Variants in DYNC2I1 observed in about 807,000 individuals in gnomAD.
The protein encoded by DYNC2I1 is dynein 2 intermediate chain 1.
In DYNC2I1, 89 loss-of-function variants were observed where a neutral mutation model predicts 133.4. That is an observed-to-expected ratio of 0.67 (90% CI 0.56 to 0.80). The LOEUF is 0.80. DYNC2I1 is among the 30% of genes least tolerant of loss of function. DYNC2I1 has a pLI of 0.00. For missense variants in DYNC2I1, 1,291 were observed against 1,314.5 expected (o/e 0.98, Z 0.28); for synonymous variants, 504 against 484.3 (o/e 1.04, Z -0.54).
intron 15 of DYNC2I1, among the ~76,000 whole-genome samples, chr7:158,921,724 C>T (rs1015064943): frequency 1.3e-5 from 2 of 152,080 alleles, no homozygotes; most frequent in African/African-American, 2.4e-5. Context: ...TGGGGTTGGC[C>T]GGGTGCTGCT....
the DYNC2I1 span, among the ~76,000 whole-genome samples, chr7:158,841,215 A>T: frequency 0.016 from 984 of 59,694 alleles, 43 homozygotes; most frequent in African/African-American, 0.029. Context: ...ATATATATAT[A>T]TATATATTTT....
rs181970837 is a variant in DYNC2I1 at position 158,914,968 on chromosome 7, G to C, written c.1791+647G>C. 6.6e-5 allele frequency among the ~76,000 whole-genome samples: 10 copies of C among 152,372 alleles called. No homozygotes were observed. In the East Asian group the frequency reaches 1.7e-3, roughly 26 times the overall value. On this transcript the variant is annotated intron_variant, in intron 14 of 24. Transcript: ENST00000407559. ...TGAAGTTGGCATTCACATTTCGCCAGCTGTCTCATCACTTTCTTGTATGTA... is the reference window on the plus strand; with the variant it reads ...TGAAGTTGGCATTCACATTTCGCCACCTGTCTCATCACTTTCTTGTATGTA...
At chr7:158,954,186 T>C (rs941447686) in intron 4 of DYNC2I1, among the ~76,000 whole-genome samples, 1 of 152,192 alleles carries the variant, frequency 6.6e-6, no homozygotes, top group African/African-American at 2.4e-5. Context: ...GCCATGATTG[T>C]GAGGCCTCCC....
intron 24 of DYNC2I1, among the ~76,000 whole-genome samples, chr7:158,942,420 G>T (rs1015653713): frequency 6.6e-5 from 10 of 152,282 alleles, no homozygotes; most frequent in African/African-American, 2.4e-4. Flanking sequence ...TCACGGGCCT[G>T]TTCCCACACC....
chr7:158,950,396 CTCTATATGATTCCAGGTGT>C (rs1327956136), downstream of DYNC2I1, among the ~76,000 whole-genome samples: 3 of 152,046 alleles, frequency 2.0e-5, no homozygotes, highest in East Asian at 1.9e-4. Context: ...CAGGACCAGC[CTCTATATGATTCCAGGTGT>C]TCTATATGAT....
intron 8 of DYNC2I1, among the ~76,000 whole-genome samples, chr7:158,897,288 C>A (rs139417800): frequency 6.6e-6 from 1 of 152,080 alleles, no homozygotes; most frequent in Admixed American, 6.6e-5. Context: ...TGTGAGCTAC[C>A]GTGCCCAGGT....
At chr7:158,881,535 C>A (rs1189043919) in intron 5 of DYNC2I1, among the ~76,000 whole-genome samples, 1 of 152,044 alleles carries the variant, frequency 6.6e-6, no homozygotes, top group Non-Finnish European at 1.5e-5. Flanking sequence ...CTCACTGCAA[C>A]CTTGGCCTCC....
At chr7:158,936,967 G>A (rs1479821627) in intron 23 of DYNC2I1, among the ~76,000 whole-genome samples, 2 of 152,170 alleles carry the variant, frequency 1.3e-5, no homozygotes, top group East Asian at 3.8e-4. Context: ...AACTAATCCT[G>A]CAATGCAAAG....
chr7:158,879,038 C>T (rs1843721138), intron 4 of DYNC2I1, among the ~76,000 whole-genome samples: 1 of 151,390 alleles, frequency 6.6e-6, no homozygotes, highest in African/African-American at 2.4e-5. Context: ...GTGGAGAGGC[C>T]AGGAGGGCCG....
At position 158,922,527 on chromosome 7, in the gene DYNC2I1, A is replaced by G; in HGVS notation, c.2072A>G (p.Lys691Arg). The change falls in exon 16 of 25, where the codon AAA becomes AGA. Residue 691 changes from lysine to arginine, a missense_variant. Lys to Arg is a conservative substitution (Grantham distance 26). Coordinates refer to ENST00000407559, the MANE Select transcript of DYNC2I1 (RefSeq NM_018051.5). ...WDIWQPSGPQ[K>R]VLICESQVTC... is the part of the protein sequence containing the mutation. Reference sequence around the variant, plus strand: ...ATTTGGCAGCCTTCAGGGCCACAGAAAGTTCTGATATGTGAGTCCCAGGTA... The same window carrying G: ...ATTTGGCAGCCTTCAGGGCCACAGAGAGTTCTGATATGTGAGTCCCAGGTA... 1 of 1,613,832 alleles carries G rather than the reference A, an allele frequency of 6.2e-7. No individual in the cohort carries two copies. The highest frequency in any genetic ancestry group is 1.7e-5 in the Admixed American group (1 of 59,982).
chr7:158,868,098 G>A (rs915459632), intron 1 of DYNC2I1, among the ~76,000 whole-genome samples: 6 of 152,150 alleles, frequency 3.9e-5, no homozygotes, highest in Admixed American at 2.0e-4. Context: ...ACAAAAAGAC[G>A]ATGATGAAGA....
At chr7:158,863,679 G>A (rs1227468164) in intron 1 of DYNC2I1, among the ~76,000 whole-genome samples, 2 of 91,838 alleles carry the variant, frequency 2.2e-5, no homozygotes, top group Non-Finnish European at 4.3e-5. Context: ...TGGGGAGAGC[G>A]GGACGTCCTT....
chr7:158,895,514 G>T (rs1342599089), intron 8 of DYNC2I1, among the ~76,000 whole-genome samples: 1 of 152,054 alleles, frequency 6.6e-6, no homozygotes, highest in Non-Finnish European at 1.5e-5. Flanking sequence ...CACTCTTTTC[G>T]CCAGTACACA....
upstream of DYNC2I1, among the ~76,000 whole-genome samples, chr7:158,853,409 C>G (rs1316630438): frequency 6.6e-6 from 1 of 152,046 alleles, no homozygotes; most frequent in Non-Finnish European, 1.5e-5. Flanking sequence ...CATTTACAGT[C>G]GATTCTCTCT....
In DYNC2I1 at chr7:158,862,912, C is replaced by T. The variant is rs1388807522; in HGVS notation, c.15+6162C>T. On this transcript the variant is annotated intron_variant, in intron 1 of 24. Coordinates refer to ENST00000407559, the MANE Select transcript of DYNC2I1 (RefSeq NM_018051.5). Reference sequence around the variant, plus strand: ...TGAGCGTTACAGCTCTTAAAGATGGCGCATCTGGAGTTGTTTGTTCCTCCC... The same window carrying T: ...TGAGCGTTACAGCTCTTAAAGATGGTGCATCTGGAGTTGTTTGTTCCTCCC... Among the ~76,000 whole-genome samples the T allele has an allele frequency of 2.6e-5, 4 of 151,912 alleles. No homozygotes were observed. The South Asian group carries it at 6.2e-4, about 24-fold the overall frequency.
At chr7:158,894,077 A>C (rs1001544876) in intron 8 of DYNC2I1, among the ~76,000 whole-genome samples, 5 of 49,104 alleles carry the variant, frequency 1.0e-4, no homozygotes, top group East Asian at 5.9e-4. Flanking sequence ...ATATCATACC[A>C]CATATTATAC....
At chr7:158,870,426 C>T (rs1219322881) in intron 2 of DYNC2I1, among the ~76,000 whole-genome samples, 1 of 152,006 alleles carries the variant, frequency 6.6e-6, no homozygotes, top group African/African-American at 2.4e-5. Flanking sequence ...AAATCATAGC[C>T]CACTGCAGCC....
chr7:158,936,504 A>G (rs927873215), intron 23 of DYNC2I1, among the ~76,000 whole-genome samples: 3 of 152,228 alleles, frequency 2.0e-5, no homozygotes, highest in Non-Finnish European at 4.4e-5. Flanking sequence ...TGAAAGTAAA[A>G]TTGAGGTGGA....
At chr7:158,840,399 T>C in the DYNC2I1 span, among the ~76,000 whole-genome samples, 1 of 152,136 alleles carries the variant, frequency 6.6e-6, no homozygotes, top group Non-Finnish European at 1.5e-5. Flanking sequence ...AAACCCTGTC[T>C]CTAGGAAAAA....
Sources: allele counts gnomAD v4.1 joint callset (sites outside exome capture counted in the v4.1 genomes callset), GRCh38; gene constraint gnomAD v4.1.1; transcripts MANE v1.5; gene names NCBI Gene and HGNC (gene_info 2026-07-23, HGNC 2026-07-21).